The following ITGA11 variants were observed in gnomAD, a reference collection of about 807,000 sequenced individuals.
ITGA11 encodes integrin subunit alpha 11.
ITGA11 carries 97 observed loss-of-function variants against 141.9 expected under a neutral mutation model. That is an observed-to-expected ratio of 0.68 (90% CI 0.58 to 0.81). The LOEUF is 0.81. ITGA11 is among the 30% of genes least tolerant of loss of function. The pLI, the probability that ITGA11 is intolerant of heterozygous loss-of-function variation, is 0.00. For synonymous variants in ITGA11, 658 were observed against 624.6 expected (o/e 1.05, Z -0.80); for missense variants, 1,387 against 1,559.2 (o/e 0.89, Z 1.86).
chr15:68,332,983 A>T (rs1274938737), intron 12 of ITGA11, among the ~76,000 whole-genome samples: 2 of 152,244 alleles, frequency 1.3e-5, no homozygotes, highest in African/African-American at 4.8e-5. Flanking sequence ...AAAACAATAC[A>T]TCATGAACAT....
rs61729763 is a variant in ITGA11, at chr15:68,326,708, G to A, written c.2157C>T (p.Ala719=). The change falls in exon 17 of 30, where the codon GCC becomes GCT. Residue 719 remains alanine, a synonymous_variant. Coordinates refer to ENST00000315757, the MANE Select transcript of ITGA11 (RefSeq NM_001004439.2). This position sits in a 1 kb window ranked among gnomAD's most constrained non-coding sequence, Gnocchi z 6.8. ...DEGGDRFTNR[A]VLLSSGQELC... Reference sequence around the variant, plus strand: ...GCTCCTGGCCGGAGGAGAGCAGTACGGCTCTGTTGGTGAATCGGTCCCCGC... The same window carrying A: ...GCTCCTGGCCGGAGGAGAGCAGTACAGCTCTGTTGGTGAATCGGTCCCCGC... The A allele has an allele frequency of 3.9e-4, 622 of 1,587,430 alleles. 1 individual carries two copies. In the African/African-American group the frequency reaches 7.2e-3, roughly 18 times the overall value.
In ITGA11 at chr15:68,297,874, A is replaced by C. The variant is rs1380672564; in HGVS notation, c.*5185T>G. On this transcript the variant is annotated 3_prime_UTR_variant, in exon 30 of 30. Coordinates refer to ENST00000315757, the MANE Select transcript of ITGA11 (RefSeq NM_001004439.2). ...GTGCCACCCTCTCATTTTATAGTTCAGGACACAAGCCCAGAAAGGCCACAC... is the reference window on the plus strand; with the variant it reads ...GTGCCACCCTCTCATTTTATAGTTCCGGACACAAGCCCAGAAAGGCCACAC... 1 of 152,172 alleles carries C rather than the reference A, an allele frequency of 6.6e-6. No homozygotes were observed. The highest frequency in any genetic ancestry group is 1.5e-5 in the Non-Finnish European group (1 of 68,036). The allele number at this position is 152,172 out of a possible 1,614,324, so 9.4% of individuals were successfully genotyped here. A position where few individuals can be genotyped will look rare whatever the true frequency, so the allele number is the denominator to read the frequency against.
rs1468088873 is a variant in ITGA11, at chr15:68,304,825, G to A, written c.3382-940C>T. Reference sequence around the variant, plus strand: ...CTGACCCTAACTCTCACACCCACACGGAGCCCAGCAGCAAAGTCTGTCCAT... The same window carrying A: ...CTGACCCTAACTCTCACACCCACACAGAGCCCAGCAGCAAAGTCTGTCCAT... On this transcript the variant is annotated intron_variant, in intron 28 of 29. Coordinates refer to ENST00000315757, the MANE Select transcript of ITGA11 (RefSeq NM_001004439.2). The surrounding 1 kb of genome is among the most constrained non-coding windows in gnomAD (Gnocchi z 6.1). 6.6e-6 allele frequency among the ~76,000 whole-genome samples: 1 copy of A among 152,192 alleles called. No individual in the cohort carries two copies.
chr15:68,329,350 C>T (rs879380860), intron 15 of ITGA11, among the ~76,000 whole-genome samples: 3 of 152,208 alleles, frequency 2.0e-5, no homozygotes, highest in Non-Finnish European at 4.4e-5. Flanking sequence ...CAGGTCCCTC[C>T]ACAGAATTCT....
At chr15:68,331,216 A>G in intron 14 of ITGA11, 105 bp from the exon 15 acceptor site, 1 of 1,061,454 alleles carries the variant, frequency 9.4e-7, no homozygotes, top group South Asian at 1.5e-5. Context: ...GCCTGTGTGA[A>G]ACCACCAAGA....
intron 1 of ITGA11, among the ~76,000 whole-genome samples, chr15:68,425,135 T>C (rs1595902255): frequency 6.6e-6 from 1 of 152,282 alleles, no homozygotes; most frequent in East Asian, 1.9e-4. Context: ...GGCCACTTGG[T>C]TTTTTATCAT....
At chr15:68,385,891 C>T (rs1895973919) in intron 2 of ITGA11, among the ~76,000 whole-genome samples, 1 of 152,132 alleles carries the variant, frequency 6.6e-6, no homozygotes, top group Non-Finnish European at 1.5e-5. Context: ...CCCTCCCAGG[C>T]CTGGGGAGGA....
Position 68,364,805 on chromosome 15 carries a change from T to C in ITGA11, c.266-7A>G. The C allele has an allele frequency of 6.2e-7, 1 of 1,613,360 alleles. No individual in the cohort carries two copies. On this transcript the variant is annotated splice_region_variant and splice_polypyrimidine_tract_variant and intron_variant, in intron 3 of 29. Transcript: ENST00000315757. The stretch of plus-strand genomic sequence containing the variant: ...TTGGACAGGGTGACCCTTCCTGGGG[T>C]TGGGGGAGAAGTTCAGCTTGCAGCC...
chr15:68,323,316 A>G (rs7171871), intron 18 of ITGA11, among the ~76,000 whole-genome samples: 100,761 of 152,120 alleles, frequency 0.66, 36,165 homozygotes, highest in East Asian at 0.82. Flanking sequence ...TTCAAGTCTC[A>G]AAGAAAAAAC....
intron 11 of ITGA11, among the ~76,000 whole-genome samples, chr15:68,336,337 G>A (rs1261588207): frequency 6.6e-6 from 1 of 152,174 alleles, no homozygotes; most frequent in East Asian, 1.9e-4. Flanking sequence ...AGTGTGAGCC[G>A]TAAATGTGGA....
At chr15:68,427,675 A>G (rs1897176700) in intron 1 of ITGA11, among the ~76,000 whole-genome samples, 1 of 152,192 alleles carries the variant, frequency 6.6e-6, no homozygotes, top group South Asian at 2.1e-4. Context: ...GATGACCAGC[A>G]CCAGTCTCCT....
At chr15:68,394,971 A>T (rs1218863452) in intron 2 of ITGA11, among the ~76,000 whole-genome samples, 1 of 152,190 alleles carries the variant, frequency 6.6e-6, no homozygotes, top group Non-Finnish European at 1.5e-5. Context: ...AGCATGATCG[A>T]TGCAGAAGAC....
intron 16 of ITGA11, among the ~76,000 whole-genome samples, chr15:68,327,541 C>G (rs1894018126): frequency 6.6e-6 from 1 of 152,202 alleles, no homozygotes; most frequent in Non-Finnish European, 1.5e-5. Context: ...CCAGCACAGA[C>G]AGTCCTGGAA....
chr15:68,419,780 G>C (rs1271328443), intron 1 of ITGA11, among the ~76,000 whole-genome samples: 1 of 152,204 alleles, frequency 6.6e-6, no homozygotes, highest in Non-Finnish European at 1.5e-5. Context: ...ATGACCTTGG[G>C]CAAGACACTT....
intron 1 of ITGA11, among the ~76,000 whole-genome samples, chr15:68,413,129 G>T (rs1411814894): frequency 6.6e-6 from 1 of 152,176 alleles, no homozygotes; most frequent in Admixed American, 6.5e-5. Context: ...GTTAGGACTA[G>T]GGGGTAGGGA....
chr15:68,304,487 G>A lies in ITGA11; in HGVS notation c.3382-602C>T, dbSNP rs2140260687. Among the ~76,000 whole-genome samples the A allele has an allele frequency of 6.6e-6, 1 of 152,246 alleles. No individual in the cohort carries two copies. Among genetic ancestry groups the A allele is most frequent in the South Asian group, 2.1e-4 (1 of 4,824 alleles). ...ATTTTAAATACTTTTTTCCTATGGA[G>A]GAAGGTGTCCCAAAGGCAAAAGTGG... On this transcript the variant is annotated intron_variant, in intron 28 of 29. Transcript: ENST00000315757. The surrounding 1 kb of genome is among the most constrained non-coding windows in gnomAD (Gnocchi z 6.1).
chr15:68,359,411 C>T (rs182244806), intron 5 of ITGA11, among the ~76,000 whole-genome samples: 2,386 of 152,188 alleles, frequency 0.016, 33 homozygotes, highest in Middle Eastern at 0.037. Flanking sequence ...TTTGGGAGTC[C>T]GAAGTGGGTA....
chr15:68,378,979 T>A (rs1254534743), intron 2 of ITGA11, among the ~76,000 whole-genome samples: 2 of 152,196 alleles, frequency 1.3e-5, no homozygotes, highest in African/African-American at 4.8e-5. Flanking sequence ...GGAAGGTGAC[T>A]GCAAAGGAAG....
In ITGA11 at chr15:68,325,240, T is replaced by C; in HGVS notation, c.2213A>G (p.Asp738Gly). The part of the protein sequence containing the change: ...LCERINFHVL[D>G]TADYVKPVTF... ...CACTGGCTTCACGTAGTCAGCAGTG[T>C]CCTGGGGGGTGGAGATGAGGGCAGC... Residue 738 changes from aspartate (D) to glycine (G), a missense_variant and splice_region_variant, in exon 18 of 30, where the codon GAC (aspartate) becomes GGC (glycine). Asp to Gly is a moderately conservative substitution (Grantham distance 94). Transcript: ENST00000315757. This position sits in a 1 kb window ranked among gnomAD's most constrained non-coding sequence, Gnocchi z 5.5. 1.2e-6 allele frequency: 2 copies of C among 1,609,478 alleles called. No homozygotes were observed. The highest frequency in any genetic ancestry group is 1.7e-6 in the Non-Finnish European group (2 of 1,175,858).
Sources: allele counts gnomAD v4.1 joint callset (sites outside exome capture counted in the v4.1 genomes callset), GRCh38; gene constraint gnomAD v4.1.1; non-coding constraint Gnocchi (gnomAD v3.1); transcripts MANE v1.5; gene names NCBI Gene and HGNC (gene_info 2026-07-23, HGNC 2026-07-21).